The following KIF6 variants were observed in gnomAD, a reference collection of about 807,000 sequenced individuals.
KIF6 encodes kinesin family member 6, also known as kinesin-like protein KIF6.
In KIF6, 106 loss-of-function variants were observed where a neutral mutation model predicts 112.7. The observed-to-expected ratio is 0.94, with a 90% CI of 0.80 to 1.11. The LOEUF (loss-of-function observed/expected upper bound fraction) is 1.11, where lower values mean the gene tolerates loss of function less well. KIF6 is among the 50% of genes least tolerant of loss of function. KIF6 has a pLI of 0.00. For synonymous variants in KIF6, 339 were observed against 339.9 expected (o/e 1.00, Z 0.03); for missense variants, 929 against 964.0 (o/e 0.96, Z 0.48).
intron 13 of KIF6, among the ~76,000 whole-genome samples, chr6:39,459,526 A>T (rs1773329210): frequency 1.6e-4 from 2 of 12,320 alleles, no homozygotes; most frequent in Non-Finnish European, 2.6e-4. Flanking sequence ...GACAAATGGT[A>T]TCTAATTAAA....
At chr6:39,721,763 T>C (rs989639974) in intron 1 of KIF6, among the ~76,000 whole-genome samples, 3 of 147,816 alleles carry the variant, frequency 2.0e-5, no homozygotes, top group African/African-American at 7.4e-5. Context: ...GAAATCACCA[T>C]AAAATTGTAA....
At chr6:39,699,807 AAAC>A (rs1248059920) in intron 3 of KIF6, among the ~76,000 whole-genome samples, 5 of 152,224 alleles carry the variant, frequency 3.3e-5, no homozygotes, top group African/African-American at 1.2e-4. Flanking sequence ...ATACAATATA[AAAC>A]AATAATACTT....
chr6:39,709,962 A>G (rs952062162), intron 3 of KIF6, among the ~76,000 whole-genome samples: 2 of 152,200 alleles, frequency 1.3e-5, no homozygotes, highest in Non-Finnish European at 2.9e-5. Flanking sequence ...TTATTTTATC[A>G]GTATTTTATG....
At chr6:39,569,303 G>A (rs1780516163) in intron 10 of KIF6, among the ~76,000 whole-genome samples, 1 of 152,164 alleles carries the variant, frequency 6.6e-6, no homozygotes, top group African/African-American at 2.4e-5. Flanking sequence ...CTCAAATACT[G>A]TAGAATATTT....
chr6:39,386,491 T>C (rs983279057), intron 15 of KIF6, among the ~76,000 whole-genome samples: 1 of 152,188 alleles, frequency 6.6e-6, no homozygotes, highest in African/African-American at 2.4e-5. Flanking sequence ...TTTATTTTTA[T>C]CTTGCTCCTG....
At chr6:39,345,255 G>T (rs529156013) in intron 21 of KIF6, among the ~76,000 whole-genome samples, 1 of 152,386 alleles carries the variant, frequency 6.6e-6, no homozygotes, top group Non-Finnish European at 1.5e-5. Context: ...GCAGGGCAGA[G>T]GCTGTGCTGG....
At chr6:39,663,988 T>C (rs1317564288) in intron 3 of KIF6, among the ~76,000 whole-genome samples, 2 of 152,058 alleles carry the variant, frequency 1.3e-5, no homozygotes, top group Admixed American at 6.6e-5. Context: ...AGTACTTATA[T>C]GTATTAAGCA....
intron 4 of KIF6, 96 bp from the exon 5 acceptor site, chr6:39,635,054 T>A: frequency 1.5e-6 from 1 of 684,724 alleles, no homozygotes; most frequent in South Asian, 1.8e-5. Flanking sequence ...CCTCATAGTT[T>A]CTCTCTTTTT....
intron 15 of KIF6, among the ~76,000 whole-genome samples, chr6:39,414,816 T>G (rs1323799284): frequency 6.6e-6 from 1 of 151,954 alleles, no homozygotes. Context: ...AGATCATATA[T>G]AGTGTTAAAA....
At chr6:39,391,894 TATGTATGTATAG>T (rs1767926639) in intron 15 of KIF6, among the ~76,000 whole-genome samples, 2 of 152,186 alleles carry the variant, frequency 1.3e-5, no homozygotes, top group Non-Finnish European at 2.9e-5. Context: ...TGTATGTTTG[TATGTATGTATAG>T]GTGTATGTAT....
chr6:39,656,502 A>AT (rs1183187477), intron 3 of KIF6, among the ~76,000 whole-genome samples: 2 of 152,128 alleles, frequency 1.3e-5, no homozygotes, highest in Non-Finnish European at 2.9e-5. Flanking sequence ...ATAAGATCCA[A>AT]TTTTTTCTGT....
chr6:39,534,350 T>C (rs200544746), intron 13 of KIF6, among the ~76,000 whole-genome samples: 1 of 151,982 alleles, frequency 6.6e-6, no homozygotes, highest in Non-Finnish European at 1.5e-5. Context: ...GAATAACCAA[T>C]ACAGAGAAGT....
At chr6:39,376,298 G>A (rs1316040062) in intron 16 of KIF6, among the ~76,000 whole-genome samples, 1 of 152,126 alleles carries the variant, frequency 6.6e-6, no homozygotes, top group African/African-American at 2.4e-5. Context: ...CCATGTCTCC[G>A]CACCAAGGTT....
At chr6:39,648,930 C>CA (rs1363721875) in intron 3 of KIF6, among the ~76,000 whole-genome samples, 1 of 150,124 alleles carries the variant, frequency 6.7e-6, no homozygotes, top group East Asian at 1.9e-4. Flanking sequence ...GCACAGGAGG[C>CA]AGATGGATTG....
chr6:39,464,821 A>G (rs915575651), intron 13 of KIF6, among the ~76,000 whole-genome samples: 29 of 152,212 alleles, frequency 1.9e-4, no homozygotes, highest in African/African-American at 7.0e-4. Flanking sequence ...ATGGAAAAAA[A>G]GCCTTCCGAG....
chr6:39,623,809 G>A (rs1783948254), intron 5 of KIF6, among the ~76,000 whole-genome samples: 1 of 152,142 alleles, frequency 6.6e-6, no homozygotes. Flanking sequence ...TATACTGCTT[G>A]TGACCTTCAT....
intron 3 of KIF6, among the ~76,000 whole-genome samples, chr6:39,642,387 C>G (rs935630576): frequency 7.2e-5 from 11 of 152,120 alleles, no homozygotes; most frequent in Non-Finnish European, 1.5e-4. Flanking sequence ...TCCATGGTAG[C>G]CTTCAAAAAC....
chr6:39,515,614 G>C (rs1286538011), intron 13 of KIF6, among the ~76,000 whole-genome samples: 1 of 152,108 alleles, frequency 6.6e-6, no homozygotes, highest in South Asian at 2.1e-4. Flanking sequence ...CTCTTATATA[G>C]TATGTCTGGT....
intron 13 of KIF6, among the ~76,000 whole-genome samples, chr6:39,513,174 T>C (rs75759277): frequency 0.012 from 1,819 of 152,246 alleles, 38 homozygotes; most frequent in African/African-American, 0.042. Context: ...CCATGACATT[T>C]GAGATCCTAC....
Sources: allele counts gnomAD v4.1 joint callset (sites outside exome capture counted in the v4.1 genomes callset), GRCh38; gene constraint gnomAD v4.1.1; transcripts MANE v1.5; gene names NCBI Gene and HGNC (gene_info 2026-07-23, HGNC 2026-07-21).